IMPA1: variants seen among roughly 807,000 people sequenced by gnomAD.
IMPA1 encodes the protein D-galactose 1-phosphate phosphatase.
A neutral mutation model predicts 34.9 loss-of-function variants in IMPA1; 21 were observed. The ratio of observed to expected loss-of-function variants is 0.60; its 90% CI spans 0.43 to 0.87. IMPA1 has a LOEUF of 0.87. Among genes scored for constraint, IMPA1 ranks in the 40% least tolerant of loss-of-function variants. The probability of loss-of-function intolerance (pLI) is 0.00; values close to 1 mark genes in which losing one functional copy is unlikely to be tolerated. For missense variants in IMPA1, 299 were observed against 336.4 expected, an observed-to-expected ratio of 0.89 and a Z score of 0.87; for synonymous variants, 95 against 104.4, an observed-to-expected ratio of 0.91 and a Z score of 0.55.
rs1806592928 is a variant in IMPA1 at position 81,659,114 on chromosome 8, T to C, written c.*237A>G. On this transcript the variant is annotated 3_prime_UTR_variant, in exon 9 of 9. Coordinates refer to ENST00000256108, the MANE Select transcript of IMPA1 (RefSeq NM_005536.4). ...TTGATGTTATATTTATCAACTGTAC[T>C]TCCTGGGTATGTTTCCTAAAGTACA... 1 of 503,148 alleles carries C rather than the reference T, an allele frequency of 2.0e-6. No individual in the cohort carries two copies. The highest frequency in any genetic ancestry group is 2.0e-5 in the African/African-American group (1 of 50,984). The allele number at this position is 503,148 out of a possible 1,614,324, so 31.2% of individuals were successfully genotyped here. A position where few individuals can be genotyped will look rare whatever the true frequency, so the allele number is the denominator to read the frequency against.
rs1806595749 is a variant in IMPA1 at position 81,659,262 on chromosome 8, A to G, written c.*89T>C. ...GACCTGGACAAAGAGAATTTAAACCAAGCATATCATACATCCAAAACACAT... is the reference window on the plus strand; with the variant it reads ...GACCTGGACAAAGAGAATTTAAACCGAGCATATCATACATCCAAAACACAT... On this transcript the variant is annotated 3_prime_UTR_variant, in exon 9 of 9. Transcript: ENST00000256108. 3 of 775,042 alleles carry G rather than the reference A, an allele frequency of 3.9e-6. No homozygotes were observed. Among genetic ancestry groups the G allele is most frequent in the Admixed American group, 2.1e-5 (1 of 48,360 alleles). The allele number at this position is 775,042 out of a possible 1,614,324, so 48.0% of individuals were successfully genotyped here. A position where few individuals can be genotyped will look rare whatever the true frequency, so the allele number is the denominator to read the frequency against.
At chr8:81,685,452 A>G (rs1401182394) in intron 1 of IMPA1, among the ~76,000 whole-genome samples, 1 of 141,974 alleles carries the variant, frequency 7.0e-6, no homozygotes, top group African/African-American at 2.6e-5. Flanking sequence ...TTTCTGTACT[A>G]TATATAAGTA....
intron 6 of IMPA1, among the ~76,000 whole-genome samples, chr8:81,673,418 C>T (rs1807045234): frequency 3.3e-5 from 5 of 152,180 alleles, no homozygotes; most frequent in South Asian, 2.1e-4. Context: ...GTACATCTTA[C>T]ACATATTGAT....
intron 5 of IMPA1, among the ~76,000 whole-genome samples, chr8:81,675,387 T>C (rs554458689): frequency 3.5e-4 from 53 of 151,950 alleles, no homozygotes; most frequent in African/African-American, 1.2e-3. Flanking sequence ...TCCCATAGTA[T>C]TTTTTTTCAT....
At chr8:81,662,724 T>C (rs1466010182) in intron 7 of IMPA1, among the ~76,000 whole-genome samples, 2 of 152,236 alleles carry the variant, frequency 1.3e-5, no homozygotes, top group Admixed American at 1.3e-4. Flanking sequence ...CAGCTAATAT[T>C]TGTAAAGCAC....
At chr8:81,673,217 G>A (rs755870438) in intron 6 of IMPA1, among the ~76,000 whole-genome samples, 14 of 152,162 alleles carry the variant, frequency 9.2e-5, no homozygotes, top group Non-Finnish European at 1.8e-4. Flanking sequence ...CCCTCTGCTC[G>A]CCTGAGACAA....
intron 6 of IMPA1, among the ~76,000 whole-genome samples, chr8:81,671,536 G>T (rs1967328): frequency 0.33 from 50,401 of 151,974 alleles, 8,922 homozygotes; most frequent in East Asian, 0.72. Context: ...TCCCACCAAT[G>T]GAGATGTATG....
intron 1 of IMPA1, 80 bp downstream of exon 1, chr8:81,686,172 T>C (rs1807520251): frequency 1.1e-6 from 1 of 949,968 alleles, no homozygotes; most frequent in Non-Finnish European, 1.3e-6. Flanking sequence ...CGCCCGCTCC[T>C]GAGGAGGGAA....
intron 3 of IMPA1, among the ~76,000 whole-genome samples, chr8:81,679,483 G>C (rs1227943192): frequency 2.0e-5 from 3 of 151,902 alleles, no homozygotes; most frequent in Non-Finnish European, 4.4e-5. Flanking sequence ...CATGGTGGCA[G>C]GCGCCTGTAA....
At chr8:81,668,555 T>TGCAATCCA (rs1361213024) in intron 7 of IMPA1, among the ~76,000 whole-genome samples, 1 of 152,102 alleles carries the variant, frequency 6.6e-6, no homozygotes, top group African/African-American at 2.4e-5. Context: ...ATTGCACCAC[T>TGCAATCCA]GCAATCCAGC....
intron 1 of IMPA1, chr8:81,685,728 C>A: frequency 7.7e-7 from 1 of 1,301,850 alleles, no homozygotes; most frequent in Non-Finnish European, 1.0e-6. Context: ...AATCACAGTA[C>A]ATTTATTGAT....
chr8:81,682,154 C>A (rs1807318935), intron 1 of IMPA1, among the ~76,000 whole-genome samples: 2 of 150,048 alleles, frequency 1.3e-5, no homozygotes. Flanking sequence ...ATTCCAGGAC[C>A]AAAAAAAATA....
chr8:81,669,721 T>C (rs1430174484), intron 7 of IMPA1, among the ~76,000 whole-genome samples: 1 of 152,112 alleles, frequency 6.6e-6, no homozygotes, highest in Non-Finnish European at 1.5e-5. Context: ...ATGAGTGTAT[T>C]TGTATGGAAA....
intron 1 of IMPA1, among the ~76,000 whole-genome samples, chr8:81,682,802 C>T (rs1426919735): frequency 6.6e-6 from 1 of 152,128 alleles, no homozygotes; most frequent in Non-Finnish European, 1.5e-5. Context: ...TCAAAAGCTA[C>T]TTCTAGGGAT....
chr8:81,676,732 A>C (rs999811276), intron 4 of IMPA1, among the ~76,000 whole-genome samples: 1 of 152,212 alleles, frequency 6.6e-6, no homozygotes, highest in East Asian at 1.9e-4. Context: ...CACTCCTCCC[A>C]GCACTAATTT....
intron 7 of IMPA1, 75 bp from the exon 8 acceptor site, chr8:81,660,742 T>A: frequency 8.1e-7 from 1 of 1,238,590 alleles, no homozygotes; most frequent in Non-Finnish European, 1.1e-6. Flanking sequence ...TAACTTCACT[T>A]TAAGTGTCGA....
At chr8:81,666,156 A>T (rs1002638147) in intron 7 of IMPA1, among the ~76,000 whole-genome samples, 1 of 152,254 alleles carries the variant, frequency 6.6e-6, no homozygotes, top group Non-Finnish European at 1.5e-5. Flanking sequence ...GGAATGGGAG[A>T]CTTACATAGG....
intron 7 of IMPA1, among the ~76,000 whole-genome samples, chr8:81,668,387 T>G (rs2130268928): frequency 6.6e-6 from 1 of 152,114 alleles, no homozygotes; most frequent in African/African-American, 2.4e-5. Context: ...GAGTTGGAGA[T>G]CAGCCTGGGC....
chr8:81,683,450 G>A (rs991348684), intron 1 of IMPA1, among the ~76,000 whole-genome samples: 2 of 152,086 alleles, frequency 1.3e-5, no homozygotes, highest in Non-Finnish European at 2.9e-5. Flanking sequence ...CCTGTTTTGA[G>A]GGAATCTAAC....
Sources: gnomAD v4.1 joint callset for allele counts (sites outside exome capture counted in the v4.1 genomes callset) on GRCh38, gnomAD v4.1.1 for gene constraint, MANE v1.5 for transcripts, NCBI Gene and HGNC (gene_info 2026-07-23, HGNC 2026-07-21) for gene names.